Variants in PRPF6 observed in about 807,000 individuals in gnomAD.
PRPF6 encodes pre-mRNA-processing factor 6.
PRPF6 carries 42 observed loss-of-function variants against 118.3 expected under a neutral mutation model. The ratio of observed to expected loss-of-function variants is 0.35; its 90% CI spans 0.28 to 0.46. The LOEUF (loss-of-function observed/expected upper bound fraction) is 0.46, where lower values mean the gene tolerates loss of function less well. Among genes scored for constraint, PRPF6 ranks in the 20% least tolerant of loss-of-function variants. The pLI is 1.00. For synonymous variants in PRPF6, 481 were observed against 485.1 expected (o/e 0.99, Z 0.11); for missense variants, 662 against 1,255.7 (o/e 0.53, Z 7.15).
At chr20:64,024,772 T>G in intron 14 of PRPF6, 79 bp downstream of exon 14, 1 of 1,550,460 alleles carries the variant, frequency 6.4e-7, no homozygotes, top group Non-Finnish European at 8.7e-7. Flanking sequence ...CCTGAAAATC[T>G]CCCACATACA....
intron 1 of PRPF6, 106 bp downstream of exon 1, chr20:63,981,422 G>A: frequency 1.8e-6 from 2 of 1,126,842 alleles, no homozygotes; most frequent in South Asian, 2.9e-5. Flanking sequence ...TCTGAAAGAC[G>A]CTTGGTGGAT....
At chr20:63,999,186 C>CCT (rs1428026105) in intron 7 of PRPF6, 47 bp downstream of exon 7, 1 of 1,529,072 alleles carries the variant, frequency 6.5e-7, no homozygotes. Flanking sequence ...ACTCTAGTTG[C>CCT]CTAGGGTATT....
intron 3 of PRPF6, among the ~76,000 whole-genome samples, chr20:63,990,568 C>T (rs1601510963): frequency 6.6e-6 from 1 of 151,848 alleles, no homozygotes; most frequent in Non-Finnish European, 1.5e-5. Flanking sequence ...ATTCCTGGCT[C>T]AAGCGATTCT....
Position 64,032,922 on chromosome 20 carries a change from A to G in PRPF6, c.2755A>G (p.Ile919Val), listed in dbSNP as rs149771221. The G allele has an allele frequency of 2.3e-5, 37 of 1,613,338 alleles. No individual in the cohort carries two copies. The Middle Eastern group carries it at 6.6e-4, about 29-fold the overall frequency. Residue 919 changes from isoleucine to valine, a missense_variant, in exon 21 of 21, where the codon ATC becomes GTC. Around this residue, in one of 10 missense-constraint regions of PRPF6, gnomAD observed 244 missense variants for 383.7 expected, o/e 0.64. Transcript: ENST00000266079. ...GCTGTGGTGCGCCGTGTCCAAGGAC[A>G]TCGCCAACTGGCAGAAGAAGATCGG... ...GELWCAVSKD[I>V]ANWQKKIGDI...
chr20:63,998,626 G>A (rs889812512), intron 6 of PRPF6, among the ~76,000 whole-genome samples: 1 of 149,632 alleles, frequency 6.7e-6, no homozygotes, highest in African/African-American at 2.5e-5. Flanking sequence ...CGGATCACGA[G>A]GTCAGGAGAT....
Position 64,011,844 on chromosome 20 carries a change from G to A in PRPF6, c.1524+341G>A. Among the ~76,000 whole-genome samples the A allele has an allele frequency of 8.2e-6, 1 of 121,662 alleles. No homozygotes were observed. Among genetic ancestry groups the A allele is most frequent in the East Asian group, 2.3e-4 (1 of 4,408 alleles). 79.8% of individuals were successfully genotyped at this position (121,662 alleles called of 152,430 possible). ...GCTAGTAGAAATGATACACCTACGA[G>A]AGGAGGACAGGAAGTCTCACGGCTT... On this transcript the variant is annotated intron_variant, in intron 11 of 20. Transcript: ENST00000266079. The surrounding 1 kb of genome is among the most constrained non-coding windows in gnomAD (Gnocchi z 6.7).
intron 19 of PRPF6, among the ~76,000 whole-genome samples, chr20:64,030,325 TG>T (rs1312950910): frequency 6.6e-5 from 10 of 152,158 alleles, no homozygotes; most frequent in Non-Finnish European, 1.2e-4. Flanking sequence ...GTGGCGTGTC[TG>T]GCCCCAGGAG....
intron 9 of PRPF6, 128 bp from the exon 10 acceptor site, chr20:64,010,072 C>A (rs529332928): frequency 1.2e-6 from 1 of 808,480 alleles, no homozygotes; most frequent in South Asian, 1.3e-5. Flanking sequence ...ACATAAAGGG[C>A]AGGTGTGTGG....
Position 64,001,152 on chromosome 20 carries a change from C to A in PRPF6, c.1099C>A (p.Arg367Ser). The A allele has an allele frequency of 6.2e-7, 1 of 1,614,180 alleles. No individual in the cohort carries two copies. The highest frequency in any genetic ancestry group is 8.5e-7 in the Non-Finnish European group (1 of 1,180,036). ...CAAGGCCGTGGTAGCCCAAGCTGTCCGTCATCTCCCACAGTCTGTCAGGAT... is the reference window on the plus strand; with the variant it reads ...CAAGGCCGTGGTAGCCCAAGCTGTCAGTCATCTCCCACAGTCTGTCAGGAT... The part of the protein sequence containing the change: ...TAKAVVAQAV[R>S]HLPQSVRIYI... Residue 367 changes from arginine (R) to serine (S), a missense_variant, in exon 9 of 21, where the codon CGT becomes AGT. Physicochemically the swap from Arg to Ser is moderately radical, Grantham distance 110. Around this residue, in one of 10 missense-constraint regions of PRPF6, gnomAD observed 189 missense variants for 323.5 expected, o/e 0.58. Transcript: ENST00000266079.
rs538311998 is a variant in PRPF6, at chr20:64,027,140, G to A, written c.2187G>A (p.Arg729=). 1.1e-5 allele frequency: 18 copies of A among 1,613,702 alleles called. No individual in the cohort carries two copies. In the African/African-American group the frequency reaches 2.4e-4, roughly 22 times the overall value. The part of the protein sequence containing the change: ...EEQKEMMEKA[R]EAYNQGLKKC... Reference sequence around the variant, plus strand: ...AGAAGGAGATGATGGAGAAGGCGCGGGAAGCCTATAACCAGGGGGTACGTC... The same window carrying A: ...AGAAGGAGATGATGGAGAAGGCGCGAGAAGCCTATAACCAGGGGGTACGTC... Residue 729 remains arginine, a synonymous_variant, in exon 16 of 21, where the codon CGG becomes CGA. Coordinates refer to ENST00000266079, the MANE Select transcript of PRPF6 (RefSeq NM_012469.4). This position sits in a 1 kb window ranked among gnomAD's most constrained non-coding sequence, Gnocchi z 6.5.
In PRPF6 at chr20:63,993,400, T is replaced by A. The variant is rs747629196; in HGVS notation, c.360-7T>A. The A allele has an allele frequency of 1.2e-6, 2 of 1,607,966 alleles. No individual in the cohort carries two copies. The highest frequency in any genetic ancestry group is 3.3e-5 in the Admixed American group (2 of 59,908). Reference sequence around the variant, plus strand: ...TGTTTCTGATGTGTGCATGTTTTATTTCCTAGGGAGCAAAGGGAGAAAGAA... The same window carrying A: ...TGTTTCTGATGTGTGCATGTTTTATATCCTAGGGAGCAAAGGGAGAAAGAA... On this transcript the variant is annotated splice_region_variant and splice_polypyrimidine_tract_variant and intron_variant, in intron 3 of 20. Coordinates refer to ENST00000266079, the MANE Select transcript of PRPF6 (RefSeq NM_012469.4).
intron 20 of PRPF6, among the ~76,000 whole-genome samples, 169 bp downstream of exon 20, chr20:64,032,213 C>T (rs972158202): frequency 1.3e-5 from 2 of 152,246 alleles, no homozygotes; most frequent in African/African-American, 4.8e-5. Flanking sequence ...CCCCACAAGG[C>T]AGTCTCTGCC....
chr20:63,997,566 C>T (rs1215295070), intron 6 of PRPF6, among the ~76,000 whole-genome samples: 18 of 151,712 alleles, frequency 1.2e-4, no homozygotes, highest in Non-Finnish European at 2.9e-5. Flanking sequence ...AGGTGATTCT[C>T]CTGCCTCAGC....
chr20:63,988,020 T>TA lies in PRPF6; in HGVS notation c.359+3002dup, dbSNP rs1236719099. Among the ~76,000 whole-genome samples, 4 of 151,908 alleles carry TA rather than the reference T, an allele frequency of 2.6e-5. No individual in the cohort carries two copies. In the East Asian group the frequency reaches 5.8e-4, roughly 22 times the overall value. Reference sequence around the variant, plus strand: ...CAACGTGGTGAAACCCTGTCTCTACTAAAAAAATTACAAAAGTTGCCAGGC... The same window carrying TA: ...CAACGTGGTGAAACCCTGTCTCTACTAAAAAAAATTACAAAAGTTGCCAGGC... On this transcript the variant is annotated intron_variant, in intron 3 of 20. Coordinates refer to ENST00000266079, the MANE Select transcript of PRPF6 (RefSeq NM_012469.4).
intron 7 of PRPF6, 148 bp from the exon 8 acceptor site, chr20:63,999,455 C>T: frequency 9.4e-7 from 1 of 1,066,572 alleles, no homozygotes; most frequent in Non-Finnish European, 1.4e-6. Flanking sequence ...GAATAGTGCG[C>T]ACTGAGGTTT....
chr20:63,999,827 G>C, intron 8 of PRPF6, 68 bp downstream of exon 8: 5 of 1,566,412 alleles, frequency 3.2e-6, no homozygotes, highest in Non-Finnish European at 3.5e-6. Context: ...GAGTAAACTT[G>C]TTAGAGCAAA....
Position 64,027,728 on chromosome 20 carries a change from T to C in PRPF6, c.2331T>C (p.Pro777=). Residue 777 remains proline (P), a synonymous_variant, in exon 17 of 21, where the codon CCT becomes CCC. Transcript: ENST00000266079. This position sits in a 1 kb window ranked among gnomAD's most constrained non-coding sequence, Gnocchi z 6.5. ...EKSRLKNPKN[P]GLWLESVRLE... The stretch of plus-strand genomic sequence containing the variant: ...CTCGTCTGAAGAACCCAAAGAACCC[T>C]GGGCTGTGGTGAGTCCTGGAGGGGG... The C allele has an allele frequency of 6.2e-7, 1 of 1,613,332 alleles. No homozygotes were observed. The highest frequency in any genetic ancestry group is 8.5e-7 in the Non-Finnish European group (1 of 1,179,666).
intron 9 of PRPF6, among the ~76,000 whole-genome samples, chr20:64,008,684 G>T (rs2059201284): frequency 6.6e-6 from 1 of 152,140 alleles, no homozygotes; most frequent in African/African-American, 2.4e-5. Context: ...CTATATCCAT[G>T]ATTTGGTTAT....
intron 8 of PRPF6, 75 bp from the exon 9 acceptor site, chr20:64,001,002 G>T: frequency 5.9e-6 from 9 of 1,522,338 alleles, no homozygotes; most frequent in Non-Finnish European, 7.3e-6. Context: ...ATCTGCTCTG[G>T]AGATCTGTGC....
Sources: allele counts gnomAD v4.1 joint callset (sites outside exome capture counted in the v4.1 genomes callset), GRCh38; gene constraint gnomAD v4.1.1; regional missense constraint gnomAD v4.1.1; non-coding constraint Gnocchi (gnomAD v3.1); transcripts MANE v1.5; gene names NCBI Gene and HGNC (gene_info 2026-07-23, HGNC 2026-07-21).